The following FOXK1 variants were observed in gnomAD, a reference collection of about 807,000 sequenced individuals.
FOXK1 encodes the protein forkhead box protein K1.
Under a neutral mutation model 51.9 loss-of-function variants are expected in FOXK1, and 19 were observed. The observed-to-expected ratio is 0.37, with a 90% CI of 0.26 to 0.54. The LOEUF (loss-of-function observed/expected upper bound fraction) is 0.54, where lower values mean the gene tolerates loss of function less well. Ranked by LOEUF, FOXK1 falls within the 20% of genes least tolerant of loss-of-function variation. FOXK1 has a pLI of 0.87. For missense variants in FOXK1, 870 were observed against 1,032.7 expected, an observed-to-expected ratio of 0.84 and a Z score of 2.16; for synonymous variants, 537 against 482.6, an observed-to-expected ratio of 1.11 and a Z score of -1.48.
At chr7:4,737,493 C>T (rs544110606) in intron 1 of FOXK1, among the ~76,000 whole-genome samples, 99 of 149,752 alleles carry the variant, frequency 6.6e-4, no homozygotes, top group Admixed American at 3.0e-3. Context: ...TGGGCGTGTG[C>T]GTGGGTGTGT....
In FOXK1 at chr7:4,744,282, A is replaced by AG. The variant is rs1253513967; in HGVS notation, c.746+3264dup. Among the ~76,000 whole-genome samples, 3 of 152,226 alleles carry AG rather than the reference A, an allele frequency of 2.0e-5. 1 individual carries two copies. Among genetic ancestry groups the AG allele is most frequent in the South Asian group, 4.1e-4 (2 of 4,822 alleles). On this transcript the variant is annotated intron_variant, in intron 2 of 8. Coordinates refer to ENST00000328914, the MANE Select transcript of FOXK1 (RefSeq NM_001037165.2). ...TTTATTTTTATTTTATCTTAGCTTC[A>AG]GGGGGTACACGTGCATATTTGTGAC...
chr7:4,749,064 C>T lies in FOXK1; in HGVS notation c.747-5395C>T, dbSNP rs886703766. On this transcript the variant is annotated intron_variant, in intron 2 of 8. Coordinates refer to ENST00000328914, the MANE Select transcript of FOXK1 (RefSeq NM_001037165.2). This position sits in a 1 kb window ranked among gnomAD's most constrained non-coding sequence, Gnocchi z 6.0. Reference sequence around the variant, plus strand: ...CTCTCATGCCTCTCCTTTCCTTTCTCTCTCTACTTTCTGAGGGATTTTCTC... The same window carrying T: ...CTCTCATGCCTCTCCTTTCCTTTCTTTCTCTACTTTCTGAGGGATTTTCTC... 1.3e-4 allele frequency among the ~76,000 whole-genome samples: 20 copies of T among 152,216 alleles called. No individual in the cohort carries two copies. Among genetic ancestry groups the T allele is most frequent in the African/African-American group, 4.8e-4 (20 of 41,454 alleles).
At position 4,695,527 on chromosome 7, in the gene FOXK1, G is replaced by T. The variant is rs1583182247; in HGVS notation, c.560+12659G>T. On this transcript the variant is annotated intron_variant, in intron 1 of 8. Coordinates refer to ENST00000328914, the MANE Select transcript of FOXK1 (RefSeq NM_001037165.2). Reference sequence around the variant, plus strand: ...AGTGTTTGAAATGTGGCTCAAGGCGGGGCGCGGTGGCTCATGCCTGTAATC... The same window carrying T: ...AGTGTTTGAAATGTGGCTCAAGGCGTGGCGCGGTGGCTCATGCCTGTAATC... Among the ~76,000 whole-genome samples, 6 of 152,292 alleles carry T rather than the reference G, an allele frequency of 3.9e-5. No homozygotes were observed. The South Asian group carries it at 1.2e-3, about 32-fold the overall frequency.
At chr7:4,705,540 T>G (rs375704774) in intron 1 of FOXK1, among the ~76,000 whole-genome samples, 7 of 127,510 alleles carry the variant, frequency 5.5e-5, no homozygotes, top group Admixed American at 5.4e-4. Flanking sequence ...TCTCTCTCTC[T>G]CTCTCTCTCT....
chr7:4,713,699 T>C (rs140543429), intron 1 of FOXK1, among the ~76,000 whole-genome samples: 41 of 151,854 alleles, frequency 2.7e-4, no homozygotes, highest in Non-Finnish European at 3.7e-4. Flanking sequence ...ACTGTGTTGG[T>C]CAGGCTGGTC....
At position 4,749,098 on chromosome 7, in the gene FOXK1, C is replaced by T. The variant is rs902045702; in HGVS notation, c.747-5361C>T. ...TTCTGAGGGATTTTCTCCAGTCTCT[C>T]CTTCCACCCTTTCTTGGATTTGTAT... is the stretch of plus-strand genomic sequence containing the variant. On this transcript the variant is annotated intron_variant, in intron 2 of 8. Coordinates refer to ENST00000328914, the MANE Select transcript of FOXK1 (RefSeq NM_001037165.2). This position sits in a 1 kb window ranked among gnomAD's most constrained non-coding sequence, Gnocchi z 6.0. Among the ~76,000 whole-genome samples the T allele has an allele frequency of 6.6e-6, 1 of 152,204 alleles. No individual in the cohort carries two copies. Among genetic ancestry groups the T allele is most frequent in the African/African-American group, 2.4e-5 (1 of 41,450 alleles).
chr7:4,759,531 C>T lies in FOXK1; in HGVS notation c.1632C>T (p.Gly544=), dbSNP rs1305648806. ...SANGYILTSQ[G]AAGGSHDAAG... ...ACGGATACATCCTCACCAGCCAGGG[C>T]GCGGCGGGGGGCTCCCATGATGCGG... Residue 544 remains glycine, a synonymous_variant, in exon 7 of 9, where the codon GGC becomes GGT. Coordinates refer to ENST00000328914, the MANE Select transcript of FOXK1 (RefSeq NM_001037165.2). The T allele has an allele frequency of 3.8e-6, 6 of 1,560,924 alleles. No individual in the cohort carries two copies. In the African/African-American group the frequency reaches 4.1e-5, roughly 11 times the overall value.
At position 4,709,481 on chromosome 7, in the gene FOXK1, C is replaced by G. The variant is rs1780147266; in HGVS notation, c.560+26613C>G. On this transcript the variant is annotated intron_variant, in intron 1 of 8. Coordinates refer to ENST00000328914, the MANE Select transcript of FOXK1 (RefSeq NM_001037165.2). The surrounding 1 kb of genome is among the most constrained non-coding windows in gnomAD (Gnocchi z 5.6). ...CTCCGAGCAGATCGAGGCTGGCCCA[C>G]CCCTGCTGGCCCGCGACCCCTGCTG... Among the ~76,000 whole-genome samples, 1 of 151,980 alleles carries G rather than the reference C, an allele frequency of 6.6e-6. No individual in the cohort carries two copies. The highest frequency in any genetic ancestry group is 1.5e-5 in the Non-Finnish European group (1 of 67,996).
chr7:4,704,632 GGA>G (rs1780060186), intron 1 of FOXK1, among the ~76,000 whole-genome samples: 1 of 152,056 alleles, frequency 6.6e-6, no homozygotes, highest in African/African-American at 2.4e-5. Context: ...GCAGCAGGAG[GGA>G]TTGCCCTGTG....
rs1192939136 is a variant in FOXK1, at chr7:4,769,271, GTATT to G, written c.*6813_*6816del. On this transcript the variant is annotated 3_prime_UTR_variant, in exon 9 of 9. Coordinates refer to ENST00000328914, the MANE Select transcript of FOXK1 (RefSeq NM_001037165.2). This position sits in a 1 kb window ranked among gnomAD's most constrained non-coding sequence, Gnocchi z 4.1. ...CCGGGGCCAGGGAGAAGCCGTGAAT[GTATT>G]TATTTGCTTTGGTGAAGCTGCTGAA... is the stretch of plus-strand genomic sequence containing the variant. 2.0e-5 allele frequency: 3 copies of G among 152,186 alleles called. No homozygotes were observed. Among genetic ancestry groups the G allele is most frequent in the African/African-American group, 7.2e-5 (3 of 41,424 alleles). The allele number at this position is 152,186 out of a possible 1,614,324, so 9.4% of individuals were successfully genotyped here.
Position 4,754,673 on chromosome 7 carries a change from C to T in FOXK1, c.903+58C>T, listed in dbSNP as rs149045394. The stretch of plus-strand genomic sequence containing the variant: ...GTGACCCAGGATCGGGCCATAGTGA[C>T]CCGGCGCGGGCGGCACAGACAGCCC... On this transcript the variant is annotated intron_variant, in intron 3 of 8. Coordinates refer to ENST00000328914, the MANE Select transcript of FOXK1 (RefSeq NM_001037165.2). 207 of 1,555,240 alleles carry T rather than the reference C, an allele frequency of 1.3e-4. 2 individuals carry two copies. The African/African-American group carries it at 2.1e-3, about 16-fold the overall frequency.
intron 1 of FOXK1, among the ~76,000 whole-genome samples, chr7:4,720,819 A>G (rs1780299156): frequency 6.6e-6 from 1 of 151,438 alleles, no homozygotes. Flanking sequence ...CCTGGGTTCA[A>G]GCGATTCTCC....
intron 2 of FOXK1, 106 bp downstream of exon 2, chr7:4,741,129 A>T (rs1278642791): frequency 3.7e-5 from 28 of 765,060 alleles, no homozygotes; most frequent in South Asian, 3.0e-4. Context: ...GGAAAGTTGC[A>T]CGTGCATGGA....
rs886883145 is a variant in FOXK1, at chr7:4,745,142, G to A, written c.746+4119G>A. 1.3e-5 allele frequency among the ~76,000 whole-genome samples: 2 copies of A among 152,206 alleles called. No individual in the cohort carries two copies. Among genetic ancestry groups the A allele is most frequent in the African/African-American group, 2.4e-5 (1 of 41,446 alleles). On this transcript the variant is annotated intron_variant, in intron 2 of 8. Transcript: ENST00000328914. The surrounding 1 kb of genome is among the most constrained non-coding windows in gnomAD (Gnocchi z 4.3). ...TAACAGATCGGGAGGTGGGAGCGGGGCCAGGCCAGAAGAGCTGGCTGCCTG... is the reference window on the plus strand; with the variant it reads ...TAACAGATCGGGAGGTGGGAGCGGGACCAGGCCAGAAGAGCTGGCTGCCTG...
rs535027934 is a variant in FOXK1, at chr7:4,691,164, G to A, written c.560+8296G>A. Among the ~76,000 whole-genome samples, 14 of 152,288 alleles carry A rather than the reference G, an allele frequency of 9.2e-5. No homozygotes were observed. In the East Asian group the frequency reaches 2.3e-3, roughly 25 times the overall value. On this transcript the variant is annotated intron_variant, in intron 1 of 8. Transcript: ENST00000328914. ...CGGAGGAACCAGGGTTCAAGAACTC[G>A]CCTCACCTGACCCATTTCTACAGTG...
At chr7:4,684,484 C>G (rs192757189) in intron 1 of FOXK1, among the ~76,000 whole-genome samples, 11 of 152,278 alleles carry the variant, frequency 7.2e-5, no homozygotes, top group Non-Finnish European at 8.8e-5. Context: ...TTTTTCTAAC[C>G]GTGCTGAAAG....
chr7:4,691,593 C>G (rs1779892048), intron 1 of FOXK1, among the ~76,000 whole-genome samples: 1 of 152,168 alleles, frequency 6.6e-6, no homozygotes, highest in African/African-American at 2.4e-5. Flanking sequence ...ACCTCGGCCT[C>G]CCAAAGTGCT....
chr7:4,718,833 G>T (rs534166107), intron 1 of FOXK1, among the ~76,000 whole-genome samples: 1 of 152,280 alleles, frequency 6.6e-6, no homozygotes, highest in South Asian at 2.1e-4. Flanking sequence ...GTTTGAGACG[G>T]AGTTTCACTC....
intron 1 of FOXK1, among the ~76,000 whole-genome samples, chr7:4,693,160 T>A (rs1395070475): frequency 6.6e-6 from 1 of 152,202 alleles, no homozygotes; most frequent in Non-Finnish European, 1.5e-5. Context: ...TTGGCAAGAA[T>A]ATTGATTGAG....
Sources: gnomAD v4.1 joint callset for allele counts (sites outside exome capture counted in the v4.1 genomes callset) on GRCh38, gnomAD v4.1.1 for gene constraint, Gnocchi (gnomAD v3.1) non-coding constraint, MANE v1.5 for transcripts, NCBI Gene and HGNC (gene_info 2026-07-23, HGNC 2026-07-21) for gene names.